NKAIN2: variants seen among roughly 807,000 people sequenced by gnomAD.
NKAIN2 encodes the protein sodium/potassium transporting ATPase interacting 2.
NKAIN2 carries 14 observed loss-of-function variants against 32.6 expected under a neutral mutation model. That is an observed-to-expected ratio of 0.43 (90% CI 0.28 to 0.67). The LOEUF is 0.67. Ranked by LOEUF, NKAIN2 falls within the 30% of genes least tolerant of loss-of-function variation. The probability of loss-of-function intolerance (pLI) is 0.17; values close to 1 mark genes in which losing one functional copy is unlikely to be tolerated. For synonymous variants in NKAIN2, 80 were observed against 87.2 expected (o/e 0.92, Z 0.46); for missense variants, 198 against 258.3 (o/e 0.77, Z 1.60).
At chr6:124,505,373 A>G (rs1428417912) in intron 3 of NKAIN2, among the ~76,000 whole-genome samples, 1 of 152,138 alleles carries the variant, frequency 6.6e-6, no homozygotes, top group Admixed American at 6.5e-5. Flanking sequence ...TAACAAATTC[A>G]CTGTATTTAA....
Position 124,473,436 on chromosome 6 carries a change from G to GT in NKAIN2, c.273+118096dup, listed in dbSNP as rs1397276634. On this transcript the variant is annotated intron_variant, in intron 3 of 6. Coordinates refer to ENST00000368417, the MANE Select transcript of NKAIN2 (RefSeq NM_001040214.3). ...CTACTTAATAAGATATACAGATTGT[G>GT]TTTTTTTAATTCAAGAACATTTATG... is the stretch of plus-strand genomic sequence containing the variant. 2.6e-5 allele frequency among the ~76,000 whole-genome samples: 4 copies of GT among 152,014 alleles called. No homozygotes were observed. In the East Asian group the frequency reaches 7.7e-4, roughly 29 times the overall value.
chr6:124,624,841 G>A (rs944225797), intron 3 of NKAIN2, among the ~76,000 whole-genome samples: 3 of 152,004 alleles, frequency 2.0e-5, no homozygotes, highest in African/African-American at 7.3e-5. Context: ...TATCGCTTGA[G>A]CAAATGGTTA....
chr6:124,460,750 C>T (rs1776500014), intron 3 of NKAIN2, among the ~76,000 whole-genome samples: 1 of 151,590 alleles, frequency 6.6e-6, no homozygotes, highest in African/African-American at 2.4e-5. Flanking sequence ...AACTTGAAGA[C>T]TTATGTCTTT....
At chr6:124,586,987 A>G (rs1489875410) in intron 3 of NKAIN2, among the ~76,000 whole-genome samples, 2 of 152,158 alleles carry the variant, frequency 1.3e-5, no homozygotes, top group African/African-American at 2.4e-5. Context: ...GAAAAGGCAA[A>G]ACTTCAAGGT....
intron 1 of NKAIN2, among the ~76,000 whole-genome samples, chr6:124,162,414 G>A (rs1788327922): frequency 6.6e-6 from 1 of 152,210 alleles, no homozygotes; most frequent in Admixed American, 6.6e-5. Flanking sequence ...TATAAATGGA[G>A]TTTTGTTGGT....
intron 2 of NKAIN2, among the ~76,000 whole-genome samples, chr6:124,301,603 G>C (rs918512176): frequency 2.0e-5 from 3 of 152,182 alleles, no homozygotes; most frequent in African/African-American, 7.2e-5. Context: ...AAAGCCACAG[G>C]GTCAGAGCTG....
At chr6:124,450,135 A>G (rs1269290700) in intron 3 of NKAIN2, among the ~76,000 whole-genome samples, 3 of 152,126 alleles carry the variant, frequency 2.0e-5, no homozygotes, top group African/African-American at 7.2e-5. Flanking sequence ...TATTAACTGC[A>G]AAGTCAGTAT....
intron 1 of NKAIN2, among the ~76,000 whole-genome samples, chr6:124,036,610 T>C (rs1004048181): frequency 6.6e-6 from 1 of 152,116 alleles, no homozygotes; most frequent in African/African-American, 2.4e-5. Flanking sequence ...AGCTAATCTC[T>C]CTCGTGTGTC....
intron 1 of NKAIN2, among the ~76,000 whole-genome samples, chr6:124,150,441 A>T (rs1787653487): frequency 6.6e-6 from 1 of 152,122 alleles, no homozygotes; most frequent in Admixed American, 6.6e-5. Context: ...TTTTATAAAT[A>T]TTTTATTTTA....
At chr6:124,340,459 A>G (rs1004593693) in intron 2 of NKAIN2, among the ~76,000 whole-genome samples, 1 of 152,072 alleles carries the variant, frequency 6.6e-6, no homozygotes, top group Non-Finnish European at 1.5e-5. Context: ...TTTGTTGTAC[A>G]TATTATTTCA....
At chr6:124,387,583 A>T (rs1229793463) in intron 3 of NKAIN2, among the ~76,000 whole-genome samples, 1 of 152,144 alleles carries the variant, frequency 6.6e-6, no homozygotes, top group Non-Finnish European at 1.5e-5. Flanking sequence ...TATGAGTAAC[A>T]AAATTCCAGT....
chr6:123,920,555 A>G (rs1035750566), intron 1 of NKAIN2, among the ~76,000 whole-genome samples: 4 of 152,062 alleles, frequency 2.6e-5, no homozygotes, highest in African/African-American at 9.7e-5. Flanking sequence ...TCAGGTCTGA[A>G]ACTAAGGTTT....
chr6:124,411,702 G>A (rs1774193374), intron 3 of NKAIN2, among the ~76,000 whole-genome samples: 1 of 152,114 alleles, frequency 6.6e-6, no homozygotes, highest in Admixed American at 6.5e-5. Flanking sequence ...GGCGTTCTCT[G>A]TATTTCCTGA....
intron 4 of NKAIN2, among the ~76,000 whole-genome samples, chr6:124,776,469 A>G (rs1385744417): frequency 6.6e-6 from 1 of 152,184 alleles, no homozygotes; most frequent in East Asian, 1.9e-4. Context: ...AACCATAGCC[A>G]CAGAAAGGTC....
Position 124,673,984 on chromosome 6 carries a change from A to G in NKAIN2, c.474+15598A>G, listed in dbSNP as rs150465822. 4.3e-3 allele frequency among the ~76,000 whole-genome samples: 659 copies of G among 152,004 alleles called. 4 individuals carry two copies. The highest frequency in any genetic ancestry group is 5.7e-3 in the Non-Finnish European group (389 of 67,872). On this transcript the variant is annotated intron_variant, in intron 4 of 6. Transcript: ENST00000368417. ...ATGCTATGAAGTTTTCCACCTATAT[A>G]TCTTCTAGGAGTTTTACAGCTTCTT...
chr6:124,726,016 A>G (rs1394516776), intron 4 of NKAIN2, among the ~76,000 whole-genome samples: 7 of 152,156 alleles, frequency 4.6e-5, no homozygotes, highest in Admixed American at 2.6e-4. Flanking sequence ...AAAAAACGGC[A>G]CACCACCAGA....
intron 1 of NKAIN2, among the ~76,000 whole-genome samples, chr6:123,838,528 G>A (rs546890698): frequency 6.6e-6 from 1 of 151,990 alleles, no homozygotes; most frequent in African/African-American, 2.4e-5. Context: ...TCTTAGGAAG[G>A]TTTTCGATTT....
At chr6:124,460,763 T>C (rs1222485282) in intron 3 of NKAIN2, among the ~76,000 whole-genome samples, 1 of 151,760 alleles carries the variant, frequency 6.6e-6, no homozygotes, top group African/African-American at 2.4e-5. Context: ...ATGTCTTTCT[T>C]CAGCTCTGGA....
intron 4 of NKAIN2, among the ~76,000 whole-genome samples, chr6:124,774,066 T>C (rs183753589): frequency 5.9e-5 from 9 of 152,200 alleles, no homozygotes; most frequent in Admixed American, 3.9e-4. Flanking sequence ...TGGAGAGTCA[T>C]GGAAGATTTT....
Sources: gnomAD v4.1 joint callset for allele counts (sites outside exome capture counted in the v4.1 genomes callset) on GRCh38, gnomAD v4.1.1 for gene constraint, MANE v1.5 for transcripts, NCBI Gene and HGNC (gene_info 2026-07-23, HGNC 2026-07-21) for gene names.